The following DHDDS variants were observed in gnomAD, a reference collection of about 807,000 sequenced individuals.
DHDDS encodes dehydrodolichyl diphosphate synthase complex subunit DHDDS.
In DHDDS, 16 loss-of-function variants were observed where a neutral mutation model predicts 46.2. The ratio of observed to expected loss-of-function variants is 0.35; its 90% CI spans 0.23 to 0.53. DHDDS has a LOEUF of 0.53. DHDDS is among the 20% of genes least tolerant of loss of function. DHDDS has a pLI of 0.94. For missense variants in DHDDS, 340 were observed against 423.7 expected (o/e 0.80, Z 1.73); for synonymous variants, 151 against 163.1 (o/e 0.93, Z 0.56).
chr1:26,467,305 C>G, intron 8 of DHDDS: 1 of 471,418 alleles, frequency 2.1e-6, no homozygotes, highest in Non-Finnish European at 4.4e-6. Flanking sequence ...CCCAGGGAGC[C>G]TCCTGACCAA....
intron 8 of DHDDS, 85 bp downstream of exon 8, chr1:26,460,229 G>C (rs1019952350): frequency 3.8e-6 from 4 of 1,049,442 alleles, no homozygotes; most frequent in Non-Finnish European, 6.0e-6. Flanking sequence ...CTATATACCA[G>C]GCACTTCCTA....
At position 26,468,752 on chromosome 1, in the gene DHDDS, A is replaced by C; in HGVS notation, c.766-143A>C. 3.4e-6 allele frequency: 4 copies of C among 1,186,684 alleles called. No homozygotes were observed. The South Asian group carries it at 5.7e-5, about 17-fold the overall frequency. 73.5% of individuals were successfully genotyped at this position (1,186,684 alleles called of 1,614,324 possible). On this transcript the variant is annotated intron_variant, in intron 8 of 8. Coordinates refer to ENST00000236342, the MANE Select transcript of DHDDS (RefSeq NM_205861.3). Reference sequence around the variant, plus strand: ...CACCACCCACTGCATACCTACTCCCAAGCCTTTTCAAATCTGGTACCTACT... The same window carrying C: ...CACCACCCACTGCATACCTACTCCCCAGCCTTTTCAAATCTGGTACCTACT...
At chr1:26,447,997 C>T (rs2075285927) in intron 6 of DHDDS, 1 of 542,018 alleles carries the variant, frequency 1.8e-6, no homozygotes, top group Admixed American at 3.5e-5. Flanking sequence ...TAGAGTTCAC[C>T]ACACACCAAG....
intron 8 of DHDDS, among the ~76,000 whole-genome samples, chr1:26,465,098 G>A (rs1302288615): frequency 6.6e-6 from 1 of 152,140 alleles, no homozygotes; most frequent in East Asian, 1.9e-4. Context: ...GGGGGTGTGC[G>A]GCAGTGCAGA....
intron 5 of DHDDS, among the ~76,000 whole-genome samples, chr1:26,446,909 C>T (rs12042656): frequency 0.048 from 7,264 of 152,224 alleles, 175 homozygotes; most frequent in South Asian, 0.076. Context: ...TGAAATATAA[C>T]GTGTATTTTG....
At chr1:26,468,163 T>G (rs980067620) in intron 8 of DHDDS, among the ~76,000 whole-genome samples, 1 of 152,196 alleles carries the variant, frequency 6.6e-6, no homozygotes, top group Non-Finnish European at 1.5e-5. Flanking sequence ...CACTAACACT[T>G]ATTCTACTAT....
At chr1:26,450,456 G>C (rs960446444) in intron 6 of DHDDS, among the ~76,000 whole-genome samples, 6 of 152,242 alleles carry the variant, frequency 3.9e-5, no homozygotes, top group Admixed American at 1.3e-4. Flanking sequence ...CTGTTAAGGA[G>C]TGTAGAGTGA....
rs770889673 is a variant in DHDDS, at chr1:26,460,182, T to C, written c.765+38T>C. 3 of 1,501,858 alleles carry C rather than the reference T, an allele frequency of 2.0e-6. No individual in the cohort carries two copies. The African/African-American group carries it at 4.2e-5, about 21-fold the overall frequency. 93.0% of individuals were successfully genotyped at this position (1,501,858 alleles called of 1,614,324 possible). On this transcript the variant is annotated intron_variant, in intron 8 of 8. Transcript: ENST00000236342. ...TCAGGGCTGGCCAGATGGGATGGGA[T>C]GGAAGAAAAGATTAGCATTGATTGA...
chr1:26,452,942 A>C (rs2124463183), intron 6 of DHDDS, among the ~76,000 whole-genome samples: 1 of 152,244 alleles, frequency 6.6e-6, no homozygotes, highest in South Asian at 2.1e-4. Flanking sequence ...CTACAAAAAT[A>C]AAACAGTTAG....
chr1:26,449,076 TTTTA>T (rs1268449895), intron 6 of DHDDS, among the ~76,000 whole-genome samples: 3 of 151,866 alleles, frequency 2.0e-5, no homozygotes, highest in Non-Finnish European at 4.4e-5. Context: ...AATATTTTAT[TTTTA>T]TTTATTTATT....
At chr1:26,467,083 G>A (rs980680042) in intron 8 of DHDDS, 1 of 255,012 alleles carries the variant, frequency 3.9e-6, no homozygotes, top group Non-Finnish European at 8.8e-6. Flanking sequence ...TAAAGGGCCA[G>A]CTCAAATTCT....
chr1:26,442,148 T>A (rs973364298), intron 3 of DHDDS, among the ~76,000 whole-genome samples: 3 of 152,228 alleles, frequency 2.0e-5, no homozygotes, highest in Admixed American at 6.5e-5. Flanking sequence ...ATGAAAACAG[T>A]AGTGTCATTT....
rs55686269 is a variant in DHDDS, at chr1:26,457,971, T to A, written c.657+66T>A. On this transcript the variant is annotated intron_variant, in intron 7 of 8. Coordinates refer to ENST00000236342, the MANE Select transcript of DHDDS (RefSeq NM_205861.3). ...AAACCAACTGTATCCACAGAATGGA[T>A]CAGAGTGGTCCATCCCCACTCCCAA... 1,435 of 1,407,038 alleles carry A rather than the reference T, an allele frequency of 1.0e-3. 8 individuals are homozygous for A. The African/African-American group carries it at 0.017, about 17-fold the overall frequency. 87.2% of individuals were successfully genotyped at this position (1,407,038 alleles called of 1,614,324 possible).
In DHDDS at chr1:26,470,861, G is replaced by A. The variant is rs1010892482; in HGVS notation, c.*1730G>A. 1 of 152,772 alleles carries A rather than the reference G, an allele frequency of 6.5e-6. No homozygotes were observed. The highest frequency in any genetic ancestry group is 6.5e-5 in the Admixed American group (1 of 15,284). The allele number at this position is 152,772 out of a possible 1,614,324, so 9.5% of individuals were successfully genotyped here. On this transcript the variant is annotated 3_prime_UTR_variant, in exon 9 of 9. Transcript: ENST00000236342. ...GCCCTACAATTAAGGCGGGAATGAG[G>A]GGCTGGAGGCAGCAAACGGAATCTG... is the stretch of plus-strand genomic sequence containing the variant.
At chr1:26,432,799 C>T (rs2075117011) in intron 1 of DHDDS, 92 bp from the exon 2 acceptor site, 7 of 760,396 alleles carry the variant, frequency 9.2e-6, no homozygotes, top group Non-Finnish European at 1.6e-5. Flanking sequence ...CTAATGCTGG[C>T]TGCTCTCCAT....
intron 3 of DHDDS, 133 bp downstream of exon 3, chr1:26,438,417 C>A: frequency 1.2e-6 from 1 of 865,162 alleles, no homozygotes; most frequent in Non-Finnish European, 1.9e-6. Context: ...TGTTTGCTTG[C>A]TAGCTATAGA....
Position 26,447,541 on chromosome 1 carries a change from C to A in DHDDS, c.441-18C>A, listed in dbSNP as rs2124432827. On this transcript the variant is annotated intron_variant, in intron 5 of 8. Coordinates refer to ENST00000236342, the MANE Select transcript of DHDDS (RefSeq NM_205861.3). ...CCCTGTCCCCCTTTGGTAAATTATTCTCTTCTTCCCTCCTCAGGTGTTTCC... is the reference window on the plus strand; with the variant it reads ...CCCTGTCCCCCTTTGGTAAATTATTATCTTCTTCCCTCCTCAGGTGTTTCC... 6.2e-7 allele frequency: 1 copy of A among 1,600,068 alleles called. No homozygotes were observed. The highest frequency in any genetic ancestry group is 8.6e-7 in the Non-Finnish European group (1 of 1,167,264).
intron 4 of DHDDS, 95 bp downstream of exon 4, chr1:26,442,968 C>T (rs1557437555): frequency 1.3e-6 from 2 of 1,587,610 alleles, no homozygotes; most frequent in Non-Finnish European, 1.7e-6. Context: ...ACTTAAGGGA[C>T]TTGCAACTCT....
chr1:26,454,259 TTTG>T (rs1271720091), intron 6 of DHDDS, among the ~76,000 whole-genome samples: 1 of 152,070 alleles, frequency 6.6e-6, no homozygotes, highest in Non-Finnish European at 1.5e-5. Flanking sequence ...GGCCAACCCC[TTTG>T]TTTTTTTGAG....
Sources: allele counts gnomAD v4.1 joint callset (sites outside exome capture counted in the v4.1 genomes callset), GRCh38; gene constraint gnomAD v4.1.1; transcripts MANE v1.5; gene names NCBI Gene and HGNC (gene_info 2026-07-23, HGNC 2026-07-21).